The following VWA3B variants were observed in gnomAD, a reference collection of about 807,000 sequenced individuals.
VWA3B encodes von Willebrand factor A domain containing 3B.
In VWA3B, 138 loss-of-function variants were observed where a neutral mutation model predicts 158.3. The ratio of observed to expected loss-of-function variants is 0.87; its 90% CI spans 0.76 to 1.00. The LOEUF (loss-of-function observed/expected upper bound fraction) is 1.00, where lower values mean the gene tolerates loss of function less well. VWA3B is among the 50% of genes least tolerant of loss of function. The probability of loss-of-function intolerance (pLI) is 0.00; values close to 1 mark genes in which losing one functional copy is unlikely to be tolerated. For missense variants in VWA3B, 1,555 were observed against 1,565.1 expected, an observed-to-expected ratio of 0.99 and a Z score of 0.11; for synonymous variants, 596 against 587.3, an observed-to-expected ratio of 1.01 and a Z score of -0.21.
chr2:98,122,751 T>C (rs919311309), intron 5 of VWA3B, among the ~76,000 whole-genome samples: 1 of 152,198 alleles, frequency 6.6e-6, no homozygotes, highest in Non-Finnish European at 1.5e-5. Context: ...AGTGACCCTG[T>C]CTTTCTGTTT....
At chr2:98,181,729 T>C (rs1680599131) in intron 9 of VWA3B, among the ~76,000 whole-genome samples, 1 of 152,198 alleles carries the variant, frequency 6.6e-6, no homozygotes, top group Non-Finnish European at 1.5e-5. Context: ...GTGGGTTTTG[T>C]AGGAATACAG....
At position 98,243,670 on chromosome 2, in the gene VWA3B, C is replaced by T. The variant is rs79102531; in HGVS notation, c.2674-6648C>T. ...ATACTCTCATGGGTTTATGAATGAT[C>T]TTACTGACATGCGATTTGGCCAGCT... On this transcript the variant is annotated intron_variant, in intron 19 of 27. Coordinates refer to ENST00000477737, the MANE Select transcript of VWA3B (RefSeq NM_144992.5). Among the ~76,000 whole-genome samples, 176 of 152,244 alleles carry T rather than the reference C, an allele frequency of 1.2e-3. 2 individuals carry two copies. In the East Asian group the frequency reaches 0.03, roughly 26 times the overall value.
intron 6 of VWA3B, among the ~76,000 whole-genome samples, 194 bp downstream of exon 6, chr2:98,128,602 C>G (rs958130395): frequency 2.6e-5 from 4 of 152,184 alleles, no homozygotes; most frequent in African/African-American, 9.7e-5. Flanking sequence ...TTCTGCAATT[C>G]TTATGCTTTG....
At chr2:98,320,831 G>A in the VWA3B span, among the ~76,000 whole-genome samples, 2 of 152,274 alleles carry the variant, frequency 1.3e-5, no homozygotes, top group South Asian at 4.2e-4. Context: ...CCATTTTCTG[G>A]GGAGAAATTC....
chr2:98,105,371 A>G (rs1409382183), intron 2 of VWA3B, among the ~76,000 whole-genome samples: 1 of 152,226 alleles, frequency 6.6e-6, no homozygotes, highest in Non-Finnish European at 1.5e-5. Context: ...AAATAATAGT[A>G]TAATATCAAA....
intron 19 of VWA3B, chr2:98,242,383 A>G (rs952457934): frequency 2.2e-6 from 1 of 451,280 alleles, no homozygotes; most frequent in Non-Finnish European, 4.5e-6. Context: ...TCTTTCAAAA[A>G]GATTAACTCT....
intron 3 of VWA3B, among the ~76,000 whole-genome samples, chr2:98,118,012 C>T (rs915685272): frequency 6.6e-6 from 1 of 152,208 alleles, no homozygotes; most frequent in African/African-American, 2.4e-5. Context: ...CCTGGGATTA[C>T]AGGCATGAGC....
At chr2:98,156,123 G>T (rs1008331227) in intron 7 of VWA3B, among the ~76,000 whole-genome samples, 2 of 152,196 alleles carry the variant, frequency 1.3e-5, no homozygotes, top group Non-Finnish European at 2.9e-5. Context: ...TGGGAAGACC[G>T]CACTGGAGTG....
chr2:98,112,829 A>T (rs1398942579), intron 2 of VWA3B, among the ~76,000 whole-genome samples: 2 of 151,762 alleles, frequency 1.3e-5, no homozygotes, highest in Non-Finnish European at 2.9e-5. Context: ...AACTCTGTTC[A>T]TTTTGTCAAT....
intron 7 of VWA3B, among the ~76,000 whole-genome samples, chr2:98,138,927 C>G (rs567211959): frequency 3.3e-5 from 5 of 152,366 alleles, no homozygotes; most frequent in African/African-American, 1.2e-4. Flanking sequence ...TTCAGTCCGC[C>G]GCTGCACTGT....
intron 22 of VWA3B, among the ~76,000 whole-genome samples, chr2:98,285,665 GAA>G (rs779360483): frequency 7.4e-6 from 1 of 135,246 alleles, no homozygotes; most frequent in Admixed American, 7.4e-5. Context: ...AGTTTCAAAA[GAA>G]AAAAAAAAAA....
intron 9 of VWA3B, among the ~76,000 whole-genome samples, chr2:98,181,588 G>A (rs1210256179): frequency 3.9e-5 from 6 of 152,240 alleles, no homozygotes. Context: ...AGGCGTTTCT[G>A]TGGTCCTCTT....
At chr2:98,137,258 C>A (rs534796494) in intron 7 of VWA3B, among the ~76,000 whole-genome samples, 1 of 152,308 alleles carries the variant, frequency 6.6e-6, no homozygotes, top group Non-Finnish European at 1.5e-5. Flanking sequence ...TACCATTTTA[C>A]ATTCCTACCA....
At chr2:98,169,132 G>A (rs1694653069) in intron 8 of VWA3B, among the ~76,000 whole-genome samples, 1 of 152,194 alleles carries the variant, frequency 6.6e-6, no homozygotes, top group Non-Finnish European at 1.5e-5. Context: ...CCACAAAGAC[G>A]AGGATGACAG....
intron 22 of VWA3B, among the ~76,000 whole-genome samples, chr2:98,284,226 C>T (rs1689039791): frequency 6.6e-6 from 1 of 152,218 alleles, no homozygotes; most frequent in Non-Finnish European, 1.5e-5. Flanking sequence ...CTGTAAGAGA[C>T]CTTAACCCCT....
intron 21 of VWA3B, among the ~76,000 whole-genome samples, chr2:98,269,828 A>G (rs1688088307): frequency 6.6e-6 from 1 of 152,206 alleles, no homozygotes; most frequent in African/African-American, 2.4e-5. Flanking sequence ...CATCTTGCTG[A>G]CATCATTCCA....
intron 22 of VWA3B, among the ~76,000 whole-genome samples, chr2:98,281,881 G>A (rs897580492): frequency 1.3e-5 from 2 of 152,206 alleles, no homozygotes. Flanking sequence ...GGCTATTCTT[G>A]TGTGCCTGAG....
chr2:98,174,469 C>T (rs1028400075), intron 8 of VWA3B, among the ~76,000 whole-genome samples: 1 of 152,220 alleles, frequency 6.6e-6, no homozygotes, highest in African/African-American at 2.4e-5. Context: ...TGACTTCACT[C>T]AGTTCTTCCT....
At chr2:98,279,159 A>G (rs1688721849) in intron 22 of VWA3B, among the ~76,000 whole-genome samples, 1 of 152,168 alleles carries the variant, frequency 6.6e-6, no homozygotes, top group African/African-American at 2.4e-5. Context: ...GGCTTTAAGG[A>G]GAGAATCCTG....
Sources: gnomAD v4.1 joint callset for allele counts (sites outside exome capture counted in the v4.1 genomes callset) on GRCh38, gnomAD v4.1.1 for gene constraint, MANE v1.5 for transcripts, NCBI Gene and HGNC (gene_info 2026-07-23, HGNC 2026-07-21) for gene names.